Variants in MECOM observed in about 807,000 individuals in gnomAD.
The protein encoded by MECOM is MDS1 and EVI1 complex locus.
MECOM carries 13 observed loss-of-function variants against 116.3 expected under a neutral mutation model. The ratio of observed to expected loss-of-function variants is 0.11; its 90% confidence interval spans 0.07 to 0.18. The LOEUF (loss-of-function observed/expected upper bound fraction) is 0.18, where lower values mean the gene tolerates loss of function less well. MECOM is among the 10% of genes least tolerant of loss of function. MECOM has a pLI of 1.00. For missense variants in MECOM, 1,299 were observed against 1,509.0 expected, an observed-to-expected ratio of 0.86 and a Z score of 2.31; for synonymous variants, 528 against 535.2, an observed-to-expected ratio of 0.99 and a Z score of 0.19.
chr3:169,483,704 G>A, intron 1 of MECOM: 9 of 1,584,526 alleles, frequency 5.7e-6, no homozygotes, highest in Non-Finnish European at 6.9e-6. Flanking sequence ...CTTCGTCCTG[G>A]TTAATCTGGA....
chr3:169,288,239 A>G (rs1226827235), intron 2 of MECOM, among the ~76,000 whole-genome samples: 1 of 152,052 alleles, frequency 6.6e-6, no homozygotes, highest in Admixed American at 6.6e-5. Flanking sequence ...AAAAAAAAAA[A>G]AAATCTTGAT....
intron 1 of MECOM, among the ~76,000 whole-genome samples, chr3:169,532,192 T>C (rs1288153937): frequency 1.3e-5 from 2 of 152,208 alleles, no homozygotes; most frequent in Non-Finnish European, 2.9e-5. Flanking sequence ...AGCTGCCCCA[T>C]GCTCAGAGTT....
intron 2 of MECOM, chr3:169,147,442 G>T (rs1740248816): frequency 1.0e-6 from 1 of 985,336 alleles, no homozygotes; most frequent in Non-Finnish European, 1.2e-6. Context: ...AGGGAGAAAG[G>T]GAGCTATCTC....
At chr3:169,437,838 C>T (rs574755480) in intron 1 of MECOM, among the ~76,000 whole-genome samples, 20 of 152,232 alleles carry the variant, frequency 1.3e-4, no homozygotes, top group African/African-American at 4.8e-4. Flanking sequence ...ACCAGACTTC[C>T]TAAACTTTTA....
chr3:169,456,356 A>G (rs1431586815), intron 1 of MECOM, among the ~76,000 whole-genome samples: 1 of 152,212 alleles, frequency 6.6e-6, no homozygotes, highest in East Asian at 1.9e-4. Flanking sequence ...TTGCAGCAGA[A>G]GTGGGTTTAG....
chr3:169,232,147 C>CATTT (rs1753477703), intron 2 of MECOM, among the ~76,000 whole-genome samples: 1 of 152,108 alleles, frequency 6.6e-6, no homozygotes, highest in Admixed American at 6.6e-5. Context: ...CGTGAGAAGG[C>CATTT]ATTTAGTCCT....
chr3:169,509,742 T>C (rs1342560790), intron 1 of MECOM, among the ~76,000 whole-genome samples: 1 of 152,264 alleles, frequency 6.6e-6, no homozygotes, highest in East Asian at 1.9e-4. Flanking sequence ...CACCACACTT[T>C]GTTTATCTGC....
chr3:169,099,973 G>T (rs568669497), intron 12 of MECOM, among the ~76,000 whole-genome samples: 2 of 151,724 alleles, frequency 1.3e-5, no homozygotes, highest in South Asian at 2.1e-4. Flanking sequence ...GGAAATTATT[G>T]ATAAAATTGC....
At chr3:169,623,195 C>T (rs1037281697) in intron 1 of MECOM, among the ~76,000 whole-genome samples, 5 of 152,290 alleles carry the variant, frequency 3.3e-5, no homozygotes, top group African/African-American at 1.2e-4. Context: ...CTACATTGAA[C>T]CTACGTAATC....
chr3:169,426,220 T>C (rs1192046561), intron 1 of MECOM, among the ~76,000 whole-genome samples: 5 of 152,180 alleles, frequency 3.3e-5, no homozygotes, highest in Non-Finnish European at 1.5e-5. Context: ...AAAAAGCCTA[T>C]GTGAAAACTT....
intron 2 of MECOM, among the ~76,000 whole-genome samples, chr3:169,367,741 G>A (rs1729425136): frequency 6.6e-6 from 1 of 152,032 alleles, no homozygotes; most frequent in South Asian, 2.1e-4. Context: ...GCTCAACAGT[G>A]TAAAGGGGCT....
At chr3:169,496,262 C>T (rs1446984021) in intron 1 of MECOM, among the ~76,000 whole-genome samples, 2 of 152,184 alleles carry the variant, frequency 1.3e-5, no homozygotes, top group Non-Finnish European at 2.9e-5. Flanking sequence ...TAAAGATTCC[C>T]TTGAAGACAG....
chr3:169,472,400 TAGAGG>T (rs755921032), intron 1 of MECOM, among the ~76,000 whole-genome samples: 119 of 83,864 alleles, frequency 1.4e-3, no homozygotes, highest in Non-Finnish European at 2.2e-3. Flanking sequence ...GGAAAAATAA[TAGAGG>T]AGAGGAGAGG....
chr3:169,253,529 A>C (rs1207697971), intron 2 of MECOM, among the ~76,000 whole-genome samples: 2 of 151,974 alleles, frequency 1.3e-5, no homozygotes, highest in Non-Finnish European at 2.9e-5. Context: ...TATGTATTAT[A>C]TATTTATTCT....
chr3:169,613,083 T>C (rs7619166), intron 1 of MECOM, among the ~76,000 whole-genome samples: 120,019 of 152,202 alleles, frequency 0.79, 47,623 homozygotes, highest in East Asian at 0.87. Flanking sequence ...GATGACCTGT[T>C]CATTTTTTTC....
chr3:169,214,927 T>TAC (rs1751234632), intron 2 of MECOM, among the ~76,000 whole-genome samples: 1 of 148,302 alleles, frequency 6.7e-6, no homozygotes, highest in South Asian at 2.1e-4. Flanking sequence ...TACATATATA[T>TAC]ACACACATAT....
chr3:169,102,432 C>T (rs1723913306), intron 10 of MECOM, among the ~76,000 whole-genome samples: 1 of 152,168 alleles, frequency 6.6e-6, no homozygotes, highest in South Asian at 2.1e-4. Context: ...TTATAAAATG[C>T]TGAGCGAACT....
chr3:169,164,249 G>A (rs1462563836), intron 2 of MECOM, among the ~76,000 whole-genome samples: 7 of 151,972 alleles, frequency 4.6e-5, no homozygotes, highest in Admixed American at 1.3e-4. Context: ...TGAGTTTCAC[G>A]AGATCTGATA....
intron 2 of MECOM, among the ~76,000 whole-genome samples, chr3:169,179,156 T>C (rs1455535145): frequency 2.0e-5 from 3 of 152,230 alleles, no homozygotes; most frequent in Non-Finnish European, 2.9e-5. Context: ...TCATGTGCTT[T>C]CTTTTCTCTA....
Sources: allele counts gnomAD v4.1 joint callset (sites outside exome capture counted in the v4.1 genomes callset), GRCh38; gene constraint gnomAD v4.1.1; transcripts MANE v1.5; gene names NCBI Gene and HGNC (gene_info 2026-07-23, HGNC 2026-07-21).